RGS3: variants seen among roughly 807,000 people sequenced by gnomAD.
The protein encoded by RGS3 is regulator of G-protein signalling 3.
A neutral mutation model predicts 132.6 loss-of-function variants in RGS3; 80 were observed. The observed-to-expected ratio is 0.60, with a 90% CI of 0.50 to 0.73. The LOEUF (loss-of-function observed/expected upper bound fraction) is 0.73. Among genes scored for constraint, RGS3 ranks in the 30% least tolerant of loss-of-function variants. The probability of loss-of-function intolerance (pLI) is 0.00; values close to 1 mark genes in which losing one functional copy is unlikely to be tolerated. For missense variants in RGS3, 1,382 were observed against 1,530.8 expected (o/e 0.90, Z 1.62); for synonymous variants, 598 against 620.6 (o/e 0.96, Z 0.54).
At chr9:113,513,333 T>C (rs1172786548) in intron 14 of RGS3, among the ~76,000 whole-genome samples, 6 of 152,166 alleles carry the variant, frequency 3.9e-5, no homozygotes, top group South Asian at 2.1e-4. Flanking sequence ...CTGTCCTTCC[T>C]GGGGGTGGTC....
At chr9:113,547,389 C>A (rs1364492463) in intron 19 of RGS3, among the ~76,000 whole-genome samples, 1 of 152,226 alleles carries the variant, frequency 6.6e-6, no homozygotes, top group Admixed American at 6.5e-5. Flanking sequence ...GAGCACATTA[C>A]TGCCTCCTCT....
At chr9:113,541,684 CAAG>C (rs1482288766) in intron 19 of RGS3, 13 of 1,105,882 alleles carry the variant, frequency 1.2e-5, no homozygotes, top group South Asian at 1.0e-4. Context: ...TTCTTCCTTC[CAAG>C]GAGGAGGAGG....
Position 113,481,023 on chromosome 9 carries a change from C to T in RGS3, c.466+1482C>T, listed in dbSNP as rs548344254. ...GCTTGCTCCTGCCTCTGTGCCTTTG[C>T]ACCTGCTGTTCACTGTGCCTGGAAT... On this transcript the variant is annotated intron_variant, in intron 4 of 24. Coordinates refer to ENST00000350696, the Ensembl canonical transcript of RGS3. Among the ~76,000 whole-genome samples, 6 of 152,362 alleles carry T rather than the reference C, an allele frequency of 3.9e-5. No individual in the cohort carries two copies. The South Asian group carries it at 6.2e-4, about 16-fold the overall frequency.
chr9:113,583,300 G>A, intron 19 of RGS3, 150 bp from the exon 18 acceptor site: 1 of 1,374,876 alleles, frequency 7.3e-7, no homozygotes, highest in Non-Finnish European at 9.6e-7. Context: ...TAAGTCAAAG[G>A]GGCTTTGGGG....
At chr9:113,517,194 G>A (rs1023585519) in intron 15 of RGS3, 5 of 492,878 alleles carry the variant, frequency 1.0e-5, no homozygotes, top group East Asian at 1.1e-4. Flanking sequence ...GGGGATGGCG[G>A]GGGCTGGGAG....
At chr9:113,449,829 G>A (rs1315759828) in intron 1 of RGS3, among the ~76,000 whole-genome samples, 1 of 149,920 alleles carries the variant, frequency 6.7e-6, no homozygotes, top group Non-Finnish European at 1.5e-5. Context: ...TGCAACCTCT[G>A]CCTCCCAGGT....
intron 21 of RGS3, chr9:113,593,882 A>C: frequency 1.9e-6 from 3 of 1,555,140 alleles, no homozygotes; most frequent in Non-Finnish European, 2.6e-6. Context: ...CAATTTGCTG[A>C]CTTGTCCCCC....
intron 1 of RGS3, among the ~76,000 whole-genome samples, chr9:113,445,441 GC>G (rs1829080429): frequency 6.6e-6 from 1 of 152,000 alleles, no homozygotes; most frequent in South Asian, 2.1e-4. Flanking sequence ...CAGGTGATCT[GC>G]CCACCTCGGC....
At chr9:113,514,493 G>A (rs1305692959) in exon 15 of RGS3, 1 of 1,614,212 alleles carries the variant, frequency 6.2e-7, no homozygotes, top group Admixed American at 1.7e-5. Flanking sequence ...GTCCTACACA[G>A]GCCTGGGGAA....
intron 18 of RGS3, among the ~76,000 whole-genome samples, chr9:113,533,752 C>G (rs1340480089): frequency 6.6e-6 from 1 of 152,192 alleles, no homozygotes; most frequent in Admixed American, 6.5e-5. Context: ...GACCACAGTT[C>G]CTGCCTCACC....
Position 113,565,027 on chromosome 9 carries a change from G to A in RGS3, c.2038-18423G>A. ...GCCCCAGCCTGGGAGCCCTCAGGAT[G>A]TGTGTGGGGTGGAGCCTGCTAGGGA... On this transcript the variant is annotated intron_variant, in intron 19 of 24. Coordinates refer to ENST00000350696, the Ensembl canonical transcript of RGS3. This position sits in a 1 kb window ranked among gnomAD's most constrained non-coding sequence, Gnocchi z 5.7. 9.3e-7 allele frequency: 1 copy of A among 1,069,658 alleles called. No homozygotes were observed. The highest frequency in any genetic ancestry group is 1.1e-6 in the Non-Finnish European group (1 of 877,510). The allele number at this position is 1,069,658 out of a possible 1,614,324, so 66.3% of individuals were successfully genotyped here. A position where few individuals can be genotyped will look rare whatever the true frequency, so the allele number is the denominator to read the frequency against.
rs574261181 is a variant in RGS3 at position 113,584,831 on chromosome 9, C to G, written c.3015+404C>G. On this transcript the variant is annotated intron_variant, in intron 20 of 24. Transcript: ENST00000350696. Reference sequence around the variant, plus strand: ...CACATTTATTCCGTGTCCACATTATCCTAAGCAGTTTACATTAACTCATTA... The same window carrying G: ...CACATTTATTCCGTGTCCACATTATGCTAAGCAGTTTACATTAACTCATTA... Among the ~76,000 whole-genome samples the G allele has an allele frequency of 4.6e-5, 7 of 152,344 alleles. No individual in the cohort carries two copies. In the South Asian group the frequency reaches 6.2e-4, roughly 14 times the overall value.
intron 19 of RGS3, chr9:113,581,320 G>C (rs1175866421): frequency 6.6e-6 from 1 of 152,232 alleles, no homozygotes; most frequent in Non-Finnish European, 1.5e-5. Flanking sequence ...CTACCCAATG[G>C]AGGGTCTTTC....
intron 3 of RGS3, among the ~76,000 whole-genome samples, chr9:113,474,535 G>T (rs1173781133): frequency 2.0e-5 from 3 of 152,184 alleles, no homozygotes; most frequent in Non-Finnish European, 4.4e-5. Flanking sequence ...ACCACAGAGA[G>T]AGGGCGTGCC....
At chr9:113,593,087 G>A (rs1276216946) in intron 21 of RGS3, 4 of 152,166 alleles carry the variant, frequency 2.6e-5, no homozygotes, top group Non-Finnish European at 2.9e-5. Context: ...CAGCTTGACA[G>A]AGAAAAAACC....
At chr9:113,558,395 TG>T (rs1833654246) in intron 19 of RGS3, among the ~76,000 whole-genome samples, 1 of 151,770 alleles carries the variant, frequency 6.6e-6, no homozygotes, top group Non-Finnish European at 1.5e-5. Context: ...CCCAGCTACT[TG>T]GGAGGTTGAG....
intron 1 of RGS3, among the ~76,000 whole-genome samples, chr9:113,450,437 G>A (rs1366374481): frequency 3.3e-5 from 5 of 152,176 alleles, no homozygotes; most frequent in African/African-American, 9.7e-5. Flanking sequence ...AAGAAAACAC[G>A]TCAGTCACTG....
At chr9:113,487,105 T>C (rs1830356691) in intron 7 of RGS3, among the ~76,000 whole-genome samples, 1 of 145,600 alleles carries the variant, frequency 6.9e-6, no homozygotes, top group African/African-American at 2.5e-5. Context: ...TAATTCTTTT[T>C]TTTTTTTTTT....
intron 19 of RGS3, among the ~76,000 whole-genome samples, chr9:113,574,384 C>A (rs1184959947): frequency 6.6e-6 from 1 of 152,228 alleles, no homozygotes; most frequent in African/African-American, 2.4e-5. Flanking sequence ...TCCCTGCTGC[C>A]TCTACTTCCA....
Sources: gnomAD v4.1 joint callset for allele counts (sites outside exome capture counted in the v4.1 genomes callset) on GRCh38, gnomAD v4.1.1 for gene constraint, Gnocchi (gnomAD v3.1) non-coding constraint, MANE v1.5 for transcripts, NCBI Gene and HGNC (gene_info 2026-07-23, HGNC 2026-07-21) for gene names.